The following ANKMY1 variants were observed in gnomAD, a reference collection of about 807,000 sequenced individuals.
The protein encoded by ANKMY1 is ankyrin repeat and MYND domain containing 1, also known as ankyrin repeat and MYND domain-containing protein 1.
ANKMY1 carries 98 observed loss-of-function variants against 102.0 expected under a neutral mutation model. The observed-to-expected ratio is 0.96, with a 90% CI of 0.82 to 1.14. ANKMY1 has a LOEUF of 1.14. Ranked by LOEUF, ANKMY1 falls within the 50% of genes most tolerant of loss-of-function variation. ANKMY1 has a pLI of 0.00. For missense variants in ANKMY1, 1,330 were observed against 1,347.6 expected, an observed-to-expected ratio of 0.99 and a Z score of 0.20; for synonymous variants, 582 against 559.9, an observed-to-expected ratio of 1.04 and a Z score of -0.56.
the ANKMY1 span, among the ~76,000 whole-genome samples, chr2:240,472,793 C>A: frequency 6.6e-6 from 1 of 152,202 alleles, no homozygotes; most frequent in Non-Finnish European, 1.5e-5. Context: ...AATTGAGACA[C>A]CAATGCAAGG....
At chr2:240,546,981 G>A (rs1365899899) in intron 4 of ANKMY1, among the ~76,000 whole-genome samples, 3 of 152,084 alleles carry the variant, frequency 2.0e-5, no homozygotes, top group Non-Finnish European at 2.9e-5. Flanking sequence ...GGATACCCAG[G>A]AATTGAACTC....
chr2:240,556,015 G>A (rs1008026078), intron 2 of ANKMY1, among the ~76,000 whole-genome samples: 11 of 152,194 alleles, frequency 7.2e-5, no homozygotes, highest in African/African-American at 2.7e-4. Context: ...TGCCTAGGGA[G>A]GGTCCTCTTC....
rs2077769046 is a variant in ANKMY1 at position 240,499,409 on chromosome 2, G to C, written c.2806+549C>G. On this transcript the variant is annotated intron_variant, in intron 15 of 17. Coordinates refer to ENST00000401804, the MANE Select transcript of ANKMY1 (RefSeq NM_001282771.3). The surrounding 1 kb of genome is among the most constrained non-coding windows in gnomAD (Gnocchi z 4.2). ...AGGGAGTGACTATGTGGGGGTGGGG[G>C]TGACCAGGTGGGTGGGAGGTGGGTA... Among the ~76,000 whole-genome samples, 1 of 140,308 alleles carries C rather than the reference G, an allele frequency of 7.1e-6. No individual in the cohort carries two copies. Among genetic ancestry groups the C allele is most frequent in the South Asian group, 2.3e-4 (1 of 4,270 alleles). 92.0% of individuals were successfully genotyped at this position (140,308 alleles called of 152,430 possible). A position where few individuals can be genotyped will look rare whatever the true frequency, so the allele number is the denominator to read the frequency against.
chr2:240,534,683 T>C (rs568564922), intron 4 of ANKMY1, among the ~76,000 whole-genome samples: 12 of 152,330 alleles, frequency 7.9e-5, no homozygotes, highest in Admixed American at 7.2e-4. Flanking sequence ...TCTAACAATA[T>C]GGTCTCAAAA....
intron 4 of ANKMY1, among the ~76,000 whole-genome samples, chr2:240,547,601 T>C (rs535507889): frequency 5.2e-3 from 757 of 146,344 alleles, no homozygotes; most frequent in Non-Finnish European, 8.2e-3. Flanking sequence ...ATCAACAAAA[T>C]TGATAGACTG....
At chr2:240,487,877 G>A (rs972251613) in intron 15 of ANKMY1, among the ~76,000 whole-genome samples, 1 of 152,060 alleles carries the variant, frequency 6.6e-6, no homozygotes, top group Non-Finnish European at 1.5e-5. Context: ...CTGAATATTA[G>A]TCTCCTGTCA....
intron 13 of ANKMY1, 79 bp downstream of exon 13, chr2:240,507,481 C>A (rs2079293720): frequency 6.7e-7 from 1 of 1,491,464 alleles, no homozygotes; most frequent in Non-Finnish European, 9.0e-7. Context: ...GGCCACCCAG[C>A]CCTCACACCC....
chr2:240,523,757 C>A, intron 8 of ANKMY1, 128 bp downstream of exon 8: 1 of 1,400,234 alleles, frequency 7.1e-7, no homozygotes, highest in Non-Finnish European at 9.5e-7. Context: ...GGGATGCTCA[C>A]ACATTCAGAC....
At chr2:240,478,608 C>G (rs1406344577), downstream of ANKMY1, among the ~76,000 whole-genome samples, 3 of 152,146 alleles carry the variant, frequency 2.0e-5, no homozygotes, top group African/African-American at 7.2e-5. Context: ...TGAAGAGCCA[C>G]CCAGCGGTCA....
At chr2:240,516,293 T>C (rs1267315270) in intron 9 of ANKMY1, among the ~76,000 whole-genome samples, 1 of 152,178 alleles carries the variant, frequency 6.6e-6, no homozygotes, top group East Asian at 1.9e-4. Flanking sequence ...AAGTTTTAAA[T>C]TCAGTCTTCT....
In ANKMY1 at chr2:240,520,546, G is replaced by A. The variant is rs1263864228; in HGVS notation, c.1833-13C>T. 1 of 1,605,932 alleles carries A rather than the reference G, an allele frequency of 6.2e-7. No individual in the cohort carries two copies. The highest frequency in any genetic ancestry group is 8.5e-7 in the Non-Finnish European group (1 of 1,175,790). ...GCGCTTCCTCCGCCTGAAAAAGACG[G>A]TGCGCCCGTGGGCCCCTGGAGGGCA... On this transcript the variant is annotated splice_polypyrimidine_tract_variant and intron_variant, in intron 8 of 17. Transcript: ENST00000401804. The surrounding 1 kb of genome is among the most constrained non-coding windows in gnomAD (Gnocchi z 4.8).
rs1476915576 is a variant in ANKMY1 at position 240,506,426 on chromosome 2, A to G, written c.2526+1134T>C. ...TTCCATCCTCTGCCGCCTATGGAAAACTGACTTCTGCGTCCTCACTTAGTC... is the reference window on the plus strand; with the variant it reads ...TTCCATCCTCTGCCGCCTATGGAAAGCTGACTTCTGCGTCCTCACTTAGTC... On this transcript the variant is annotated intron_variant, in intron 13 of 17. Transcript: ENST00000401804. This position sits in a 1 kb window ranked among gnomAD's most constrained non-coding sequence, Gnocchi z 4.9. Among the ~76,000 whole-genome samples the G allele has an allele frequency of 6.6e-6, 1 of 152,150 alleles. No individual in the cohort carries two copies. The highest frequency in any genetic ancestry group is 1.5e-5 in the Non-Finnish European group (1 of 68,026).
rs1296749275 is a variant in ANKMY1 at position 240,511,928 on chromosome 2, G to A, written c.2219C>T (p.Thr740Ile). ...GPPQAYYSTD[T>I]ALPEEGGRTA... Reference sequence around the variant, plus strand: ...CCTGCCCCCCTCCTCCGGGAGGGCTGTGTCCGTGCTGTAGTAGGCTTGGGG... The same window carrying A: ...CCTGCCCCCCTCCTCCGGGAGGGCTATGTCCGTGCTGTAGTAGGCTTGGGG... Residue 740 changes from threonine (T) to isoleucine (I), a missense_variant, in exon 11 of 18, where the codon ACA (threonine) becomes ATA (isoleucine). Transcript: ENST00000401804. 6.3e-7 allele frequency: 1 copy of A among 1,578,400 alleles called. No individual in the cohort carries two copies. The highest frequency in any genetic ancestry group is 8.6e-7 in the Non-Finnish European group (1 of 1,169,132).
At chr2:240,523,796 T>C in intron 8 of ANKMY1, 89 bp downstream of exon 8, 1 of 1,520,494 alleles carries the variant, frequency 6.6e-7, no homozygotes, top group South Asian at 1.3e-5. Flanking sequence ...CGCCTCCCAC[T>C]GGCACAGGGA....
At chr2:240,531,160 T>C (rs1030751422) in intron 4 of ANKMY1, among the ~76,000 whole-genome samples, 7 of 152,176 alleles carry the variant, frequency 4.6e-5, no homozygotes, top group Non-Finnish European at 1.0e-4. Context: ...CATTAGTCAC[T>C]GGAGCACTAA....
At position 240,507,653 on chromosome 2, in the gene ANKMY1, G is replaced by A. The variant is rs200515527; in HGVS notation, c.2433C>T (p.Asn811=). Residue 811 remains asparagine (N), a synonymous_variant, in exon 13 of 18, where the codon AAC becomes AAT. Transcript: ENST00000401804. Reference sequence around the variant, plus strand: ...TGCCCAAGCCTTTGGTCAGGGGCAGGTTGGGGTCAGCTCCCTGGGTCAGGA... The same window carrying A: ...TGCCCAAGCCTTTGGTCAGGGGCAGATTGGGGTCAGCTCCCTGGGTCAGGA... ...KELLTQGADP[N]LPLTKGLGSA... is the part of the protein sequence containing the mutation. 9.3e-6 allele frequency: 15 copies of A among 1,611,148 alleles called. No homozygotes were observed. In the East Asian group the frequency reaches 1.1e-4, roughly 12 times the overall value.
At chr2:240,522,229 A>C (rs538184251) in intron 8 of ANKMY1, 1 of 152,344 alleles carries the variant, frequency 6.6e-6, no homozygotes, top group South Asian at 2.1e-4. Context: ...CTTTAGCTAG[A>C]CACAAAAGTT....
At chr2:240,490,554 T>G (rs1204291374) in intron 15 of ANKMY1, among the ~76,000 whole-genome samples, 1 of 152,206 alleles carries the variant, frequency 6.6e-6, no homozygotes, top group Non-Finnish European at 1.5e-5. Context: ...TTAATTTCCA[T>G]GTTGCAAATT....
At chr2:240,537,096 T>G (rs2086970206) in intron 4 of ANKMY1, among the ~76,000 whole-genome samples, 1 of 152,026 alleles carries the variant, frequency 6.6e-6, no homozygotes, top group Admixed American at 6.6e-5. Context: ...CAAGAAAAAC[T>G]GTATCTCACA....
Sources: gnomAD v4.1 joint callset for allele counts (sites outside exome capture counted in the v4.1 genomes callset) on GRCh38, gnomAD v4.1.1 for gene constraint, Gnocchi (gnomAD v3.1) non-coding constraint, MANE v1.5 for transcripts, NCBI Gene and HGNC (gene_info 2026-07-23, HGNC 2026-07-21) for gene names.